SPIB: variants seen among roughly 807,000 people sequenced by gnomAD.
The protein encoded by SPIB is transcription factor Spi-B.
A neutral mutation model predicts 31.9 loss-of-function variants in SPIB; 7 were observed. The observed-to-expected ratio is 0.22, with a 90% CI of 0.12 to 0.41. The LOEUF is 0.41. Ranked by LOEUF, SPIB falls within the 10% of genes least tolerant of loss-of-function variation. The probability of loss-of-function intolerance (pLI) is 1.00; values close to 1 mark genes in which losing one functional copy is unlikely to be tolerated. For missense variants in SPIB, 327 were observed against 360.2 expected (o/e 0.91, Z 0.75); for synonymous variants, 176 against 158.9 (o/e 1.11, Z -0.81).
chr19:50,427,569 C>T (rs2039580291), intron 5 of SPIB, among the ~76,000 whole-genome samples: 1 of 152,170 alleles, frequency 6.6e-6, no homozygotes, highest in Non-Finnish European at 1.5e-5. Flanking sequence ...GGTGCCCTGG[C>T]CTCTCCCGGG....
intron 4 of SPIB, 24 bp downstream of exon 4, chr19:50,423,061 A>C: frequency 8.6e-7 from 1 of 1,159,806 alleles, no homozygotes; most frequent in Non-Finnish European, 1.2e-6. Context: ...GGACAGTTAA[A>C]ATCAAGCCCA....
At chr19:50,423,804 G>C (rs1343021497) in intron 5 of SPIB, 49 bp downstream of exon 5, 1 of 1,559,546 alleles carries the variant, frequency 6.4e-7, no homozygotes, top group Admixed American at 1.9e-5. Flanking sequence ...GAGATGGTGG[G>C]GGGGCTGAGA....
intron 2 of SPIB, among the ~76,000 whole-genome samples, chr19:50,422,196 G>C (rs1428035266): frequency 1.3e-5 from 2 of 152,220 alleles, no homozygotes; most frequent in African/African-American, 2.4e-5. Flanking sequence ...TTCGCTGACT[G>C]TGTGCCAGTG....
At position 50,429,148 on chromosome 19, in the gene SPIB, T is replaced by C. The variant is rs2039607488; in HGVS notation, c.*812T>C. On this transcript the variant is annotated 3_prime_UTR_variant, in exon 6 of 6. Coordinates refer to ENST00000595883, the MANE Select transcript of SPIB (RefSeq NM_003121.5). Reference sequence around the variant, plus strand: ...GACCTCCTAGGCTCTCCATCTGATATGCCCTTTCAGGGACCCCACAAAGAC... The same window carrying C: ...GACCTCCTAGGCTCTCCATCTGATACGCCCTTTCAGGGACCCCACAAAGAC... The C allele has an allele frequency of 6.6e-6, 1 of 152,174 alleles. No individual in the cohort carries two copies. Among genetic ancestry groups the C allele is most frequent in the African/African-American group, 2.4e-5 (1 of 41,428 alleles). 9.4% of individuals were successfully genotyped at this position (152,174 alleles called of 1,614,324 possible). A position where few individuals can be genotyped will look rare whatever the true frequency, so the allele number is the denominator to read the frequency against.
chr19:50,422,737 A>C, intron 3 of SPIB, 86 bp from the exon 4 acceptor site: 1 of 1,100,478 alleles, frequency 9.1e-7, no homozygotes, highest in Non-Finnish European at 1.3e-6. Context: ...TGCACAGCCT[A>C]CAATGGCCTC....
intron 5 of SPIB, 58 bp downstream of exon 5, chr19:50,423,813 G>T: frequency 6.5e-7 from 1 of 1,545,524 alleles, no homozygotes; most frequent in South Asian, 1.2e-5. Context: ...GGGGGGCTGA[G>T]AGCACCATGG....
At position 50,422,885 on chromosome 19, in the gene SPIB, C is replaced by T. The variant is rs2039514843; in HGVS notation, c.187C>T (p.Pro63Ser). Residue 63 changes from proline to serine, a missense_variant, in exon 4 of 6, where the codon CCG becomes TCG. Transcript: ENST00000595883. Reference protein sequence around the residue: ...VPATPYEAFDPAAAAFSHPQA... With the variant: ...VPATPYEAFDSAAAAFSHPQA... Reference sequence around the variant, plus strand: ...AGCCACCCCCTATGAAGCCTTCGACCCGGCAGCAGCCGCTTTTAGCCACCC... The same window carrying T: ...AGCCACCCCCTATGAAGCCTTCGACTCGGCAGCAGCCGCTTTTAGCCACCC... 6.2e-7 allele frequency: 1 copy of T among 1,611,174 alleles called. No homozygotes were observed. Among genetic ancestry groups the T allele is most frequent in the African/African-American group, 1.3e-5 (1 of 74,966 alleles).
At chr19:50,424,463 A>G (rs1395868076) in intron 5 of SPIB, among the ~76,000 whole-genome samples, 1 of 152,012 alleles carries the variant, frequency 6.6e-6, no homozygotes, top group Non-Finnish European at 1.5e-5. Context: ...CCTGGCCAAC[A>G]TGGCAAAACC....
rs2039626485 is a variant in SPIB at position 50,430,381 on chromosome 19, G to A, written c.*2045G>A. 1 of 152,164 alleles carries A rather than the reference G, an allele frequency of 6.6e-6. No individual in the cohort carries two copies. Among genetic ancestry groups the A allele is most frequent in the African/African-American group, 2.4e-5 (1 of 41,436 alleles). 9.4% of individuals were successfully genotyped at this position (152,164 alleles called of 1,614,324 possible). ...GTGGGCAGGTGGATCTAGGGTGCAT[G>A]ACTTGCTGCTTCCCAACCTTAGTTT... On this transcript the variant is annotated 3_prime_UTR_variant, in exon 6 of 6. Transcript: ENST00000595883.
chr19:50,423,748 C>T lies in SPIB; in HGVS notation c.483C>T (p.Ser161=), dbSNP rs117090800. ...ALVAGPEGKG[S]EAGTRKKLRL... ...TGGCTGGCCCCGAGGGGAAGGGATC[C>T]GAGGCAGGTATGCGGGAGTGGCTGG... is the stretch of plus-strand genomic sequence containing the variant. Residue 161 remains serine, a synonymous_variant, in exon 5 of 6, where the codon TCC becomes TCT. Coordinates refer to ENST00000595883, the MANE Select transcript of SPIB (RefSeq NM_003121.5). The T allele has an allele frequency of 2.1e-3, 3,394 of 1,607,342 alleles. 6 individuals are homozygous for T. Among genetic ancestry groups the T allele is most frequent in the Non-Finnish European group, 2.7e-3 (3,182 of 1,177,112 alleles).
intron 5 of SPIB, among the ~76,000 whole-genome samples, chr19:50,423,990 G>C (rs1356499890): frequency 2.0e-5 from 3 of 152,122 alleles, no homozygotes; most frequent in Admixed American, 6.6e-5. Context: ...GGTCGTTGGG[G>C]GGACTAAATG....
rs1426735264 is a variant in SPIB, at chr19:50,430,424, G to A, written c.*2088G>A. 2 of 152,098 alleles carry A rather than the reference G, an allele frequency of 1.3e-5. No individual in the cohort carries two copies. Among genetic ancestry groups the A allele is most frequent in the Admixed American group, 6.6e-5 (1 of 15,230 alleles). The allele number at this position is 152,098 out of a possible 1,614,324, so 9.4% of individuals were successfully genotyped here. A position where few individuals can be genotyped will look rare whatever the true frequency, so the allele number is the denominator to read the frequency against. The stretch of plus-strand genomic sequence containing the variant: ...CTTAGTTTGTCCCTTCTGTGAAAAA[G>A]GGAGAGAAGGAGGAGGAAGATCTCA... On this transcript the variant is annotated 3_prime_UTR_variant, in exon 6 of 6. Coordinates refer to ENST00000595883, the MANE Select transcript of SPIB (RefSeq NM_003121.5).
intron 5 of SPIB, among the ~76,000 whole-genome samples, chr19:50,427,792 C>A (rs1210182956): frequency 1.3e-5 from 2 of 150,836 alleles, no homozygotes; most frequent in African/African-American, 4.9e-5. Context: ...ATGTAAATCT[C>A]GAAAATTAAA....
chr19:50,419,590 C>T (rs2039461766), intron 1 of SPIB, among the ~76,000 whole-genome samples: 2 of 152,194 alleles, frequency 1.3e-5, no homozygotes, highest in Non-Finnish European at 2.9e-5. Context: ...CCATCCTTCT[C>T]CTCTGGTCCA....
At chr19:50,419,713 C>CAGGGT (rs2122538119) in intron 1 of SPIB, among the ~76,000 whole-genome samples, 1 of 152,344 alleles carries the variant, frequency 6.6e-6, no homozygotes, top group East Asian at 1.9e-4. Flanking sequence ...CCCTCCCCAC[C>CAGGGT]AGGGTGTCTA....
In SPIB at chr19:50,428,788, A is replaced by G. The variant is rs2039603085; in HGVS notation, c.*452A>G. On this transcript the variant is annotated 3_prime_UTR_variant, in exon 6 of 6. Coordinates refer to ENST00000595883, the MANE Select transcript of SPIB (RefSeq NM_003121.5). This position sits in a 1 kb window ranked among gnomAD's most constrained non-coding sequence, Gnocchi z 6.5. ...TGCTGGCAACCCTGAGCCCTGTCCA[A>G]GGTTCCCTCTTGTCAGATCTGAGAT... 5.9e-6 allele frequency: 1 copy of G among 168,452 alleles called. No individual in the cohort carries two copies. Among genetic ancestry groups the G allele is most frequent in the Non-Finnish European group, 1.3e-5 (1 of 79,510 alleles). 10.4% of individuals were successfully genotyped at this position (168,452 alleles called of 1,614,324 possible).
At position 50,423,641 on chromosome 19, in the gene SPIB, C is replaced by T. The variant is rs778609502; in HGVS notation, c.376C>T (p.Pro126Ser). Residue 126 changes from proline to serine, a missense_variant, in exon 5 of 6, where the codon CCT (proline) becomes TCT (serine). By Grantham distance (74) the Pro-to-Ser change is moderately conservative. Around this residue, in one of 4 missense-constraint regions of SPIB, gnomAD observed 238 missense variants for 228.8 expected, o/e 1.04. Coordinates refer to ENST00000595883, the MANE Select transcript of SPIB (RefSeq NM_003121.5). ...CCCGGCATATGCCCCGTACCCCAGCCCTGTGCTATCAGAGGAGGAAGACTT... is the reference window on the plus strand; with the variant it reads ...CCCGGCATATGCCCCGTACCCCAGCTCTGTGCTATCAGAGGAGGAAGACTT... ...VPPAYAPYPS[P>S]VLSEEEDLPL... 1.4e-5 allele frequency: 23 copies of T among 1,613,960 alleles called. No individual in the cohort carries two copies. In the African/African-American group the frequency reaches 2.9e-4, roughly 21 times the overall value.
chr19:50,422,935 A>T lies in SPIB; in HGVS notation c.237A>T (p.Glu79Asp). The T allele has an allele frequency of 1.3e-6, 2 of 1,589,196 alleles. No homozygotes were observed. The highest frequency in any genetic ancestry group is 8.6e-7 in the Non-Finnish European group (1 of 1,163,516). Residue 79 changes from glutamate to aspartate, a missense_variant, in exon 4 of 6, where the codon GAA (glutamate) becomes GAT (aspartate). Coordinates refer to ENST00000595883, the MANE Select transcript of SPIB (RefSeq NM_003121.5). ...CCCAGGCTGCCCAGCTCTGCTACGA[A>T]CCCCCCACCTACAGCCCTGCAGGGA... ...SHPQAAQLCY[E>D]PPTYSPAGNL... is the part of the protein sequence containing the mutation.
chr19:50,420,133 G>C (rs1198854563), intron 2 of SPIB, among the ~76,000 whole-genome samples, 160 bp downstream of exon 2: 2 of 152,024 alleles, frequency 1.3e-5, no homozygotes, highest in Admixed American at 1.3e-4. Context: ...CCGTATTTTT[G>C]ATGTCTCTCT....
Sources: gnomAD v4.1 joint callset for allele counts (sites outside exome capture counted in the v4.1 genomes callset) on GRCh38, gnomAD v4.1.1 for gene constraint, gnomAD v4.1.1 regional missense constraint, Gnocchi (gnomAD v3.1) non-coding constraint, MANE v1.5 for transcripts, NCBI Gene and HGNC (gene_info 2026-07-23, HGNC 2026-07-21) for gene names.